Variants in AGMO observed in about 807,000 individuals in gnomAD.
The protein encoded by AGMO is alkylglycerol monooxygenase, also known as glyceryl-ether monooxygenase.
A neutral mutation model predicts 60.2 loss-of-function variants in AGMO; 75 were observed. The observed-to-expected ratio is 1.25, with a 90% CI of 1.03 to 1.51. The LOEUF (loss-of-function observed/expected upper bound fraction) is 1.51, where lower values mean the gene tolerates loss of function less well. Among genes scored for constraint, AGMO ranks in the 40% most tolerant of loss-of-function variants. AGMO has a pLI of 0.00. For missense variants in AGMO, 763 were observed against 525.5 expected, an observed-to-expected ratio of 1.45 and a Z score of -4.42; for synonymous variants, 261 against 177.1, an observed-to-expected ratio of 1.47 and a Z score of -3.76.
chr7:15,494,609 G>A (rs189095954), intron 3 of AGMO, among the ~76,000 whole-genome samples: 1 of 152,292 alleles, frequency 6.6e-6, no homozygotes, highest in Non-Finnish European at 1.5e-5. Flanking sequence ...AAGCACTGTG[G>A]TTGGAGCTTT....
chr7:15,347,122 C>G (rs1391325638), intron 12 of AGMO, among the ~76,000 whole-genome samples: 1 of 152,006 alleles, frequency 6.6e-6, no homozygotes, highest in Non-Finnish European at 1.5e-5. Flanking sequence ...TCTTCTCTAT[C>G]CATTTTCCTG....
intron 5 of AGMO, among the ~76,000 whole-genome samples, chr7:15,417,435 C>T (rs1027022672): frequency 5.9e-5 from 9 of 152,126 alleles, no homozygotes; most frequent in Non-Finnish European, 1.0e-4. Flanking sequence ...CGACACATGG[C>T]GTGACCTGGA....
In AGMO at chr7:15,252,887, T is replaced by C. The variant is rs534313841; in HGVS notation, c.1264-51528A>G. 6.6e-5 allele frequency among the ~76,000 whole-genome samples: 10 copies of C among 152,194 alleles called. No homozygotes were observed. In the East Asian group the frequency reaches 1.5e-3, roughly 24 times the overall value. ...AAAGAAAAGACAAGAGATCATGACA[T>C]ACAGAGAGTTAAGTGAAGAGAATGT... On this transcript the variant is annotated intron_variant, in intron 12 of 12. Transcript: ENST00000342526.
At chr7:15,383,494 C>T (rs932041791) in intron 10 of AGMO, among the ~76,000 whole-genome samples, 4 of 149,578 alleles carry the variant, frequency 2.7e-5, no homozygotes, top group African/African-American at 9.9e-5. Flanking sequence ...AAGAAACCTC[C>T]TTTCCTTATA....
intron 12 of AGMO, among the ~76,000 whole-genome samples, chr7:15,245,882 A>G (rs1240057504): frequency 1.3e-5 from 2 of 152,192 alleles, no homozygotes; most frequent in African/African-American, 4.8e-5. Flanking sequence ...AGCATTAAAT[A>G]ATAGGTCTGC....
chr7:15,560,408 G>T, intron 1 of AGMO, 137 bp from the exon 2 acceptor site: 2 of 804,510 alleles, frequency 2.5e-6, no homozygotes, highest in South Asian at 2.1e-5. Context: ...TCATTTTAGA[G>T]GATTACTTCC....
chr7:15,498,509 T>C (rs1289805156), intron 3 of AGMO, among the ~76,000 whole-genome samples: 1 of 151,992 alleles, frequency 6.6e-6, no homozygotes, highest in East Asian at 1.9e-4. Context: ...TTTCATTTTG[T>C]GTGCACAGAA....
chr7:15,380,031 A>G (rs969259221), intron 10 of AGMO, among the ~76,000 whole-genome samples: 2 of 152,112 alleles, frequency 1.3e-5, no homozygotes, highest in African/African-American at 4.8e-5. Context: ...GATCCATATA[A>G]GACAAACGCA....
intron 12 of AGMO, among the ~76,000 whole-genome samples, chr7:15,242,958 T>A (rs1179043678): frequency 6.6e-6 from 1 of 151,974 alleles, no homozygotes; most frequent in Non-Finnish European, 1.5e-5. Context: ...AGATTTTAAG[T>A]CAAAAAATAA....
chr7:15,390,730 C>A lies in AGMO; in HGVS notation c.763G>T (p.Glu255Ter), dbSNP rs146477677. 10 of 1,611,022 alleles carry A rather than the reference C, an allele frequency of 6.2e-6. No individual in the cohort carries two copies. Among genetic ancestry groups the A allele is most frequent in the Non-Finnish European group, 8.5e-6 (10 of 1,178,072 alleles). Residue 255 changes from glutamate to a stop codon, truncating the protein, a stop_gained, in exon 8 of 13, where the codon GAA becomes TAA. Coordinates refer to ENST00000342526, the MANE Select transcript of AGMO (RefSeq NM_001004320.2). LOFTEE classifies it high-confidence loss of function. ...TGTGTTAAGCCATATACAACTTTTT[C>A]ATTTTCTGCTTCAAATGTCCCTGGA... is the stretch of plus-strand genomic sequence containing the variant. ...KIFGTFEAEN[E>*]KVVYGLTHPI... is the part of the protein sequence containing the mutation.
chr7:15,354,452 G>GACGTGTA (rs1782419528), intron 12 of AGMO, among the ~76,000 whole-genome samples: 5 of 22,230 alleles, frequency 2.2e-4, no homozygotes, highest in African/African-American at 1.3e-3. Flanking sequence ...ACACGTGTGT[G>GACGTGTA]TATACACACG....
chr7:15,118,876 A>ATTTTTTTTTTTT, the AGMO span, among the ~76,000 whole-genome samples: 8 of 81,758 alleles, frequency 9.8e-5, no homozygotes, highest in East Asian at 1.1e-3. Context: ...AGACGTCAGT[A>ATTTTTTTTTTTT]TTTTTTTTTT....
In AGMO at chr7:15,383,073, G is replaced by A. The variant is rs111985739; in HGVS notation, c.1074+2373C>T. On this transcript the variant is annotated intron_variant, in intron 10 of 12. Coordinates refer to ENST00000342526, the MANE Select transcript of AGMO (RefSeq NM_001004320.2). ...TGTAGTTGACCCTGCCCTCCCATTC[G>A]TAGGCTGGGTACATAATCTAGGACC... is the stretch of plus-strand genomic sequence containing the variant. Among the ~76,000 whole-genome samples the A allele has an allele frequency of 1.1e-4, 17 of 151,286 alleles. No homozygotes were observed. In the East Asian group the frequency reaches 1.8e-3, roughly 16 times the overall value.
At chr7:15,257,824 T>C (rs1783141377) in intron 12 of AGMO, among the ~76,000 whole-genome samples, 1 of 152,212 alleles carries the variant, frequency 6.6e-6, no homozygotes, top group Non-Finnish European at 1.5e-5. Context: ...TTAAAACTTC[T>C]GTGTGCAACT....
At chr7:15,156,579 G>A in the AGMO span, among the ~76,000 whole-genome samples, 1 of 152,308 alleles carries the variant, frequency 6.6e-6, no homozygotes, top group South Asian at 2.1e-4. Flanking sequence ...ATCTCCTGCA[G>A]CTAGGATCCT....
At chr7:15,344,759 T>G (rs62450341) in intron 12 of AGMO, among the ~76,000 whole-genome samples, 5,334 of 152,210 alleles carry the variant, frequency 0.035, 100 homozygotes, top group Admixed American at 0.05. Context: ...AAGAGAAGAC[T>G]TTTCCATTAG....
chr7:15,466,860 A>T (rs1782307163), intron 3 of AGMO, among the ~76,000 whole-genome samples: 2 of 152,142 alleles, frequency 1.3e-5, no homozygotes, highest in Non-Finnish European at 2.9e-5. Context: ...ACTTTGCGTT[A>T]ATTGTACTGT....
intron 3 of AGMO, among the ~76,000 whole-genome samples, chr7:15,493,440 C>G (rs1052396868): frequency 4.5e-5 from 6 of 133,328 alleles, no homozygotes; most frequent in Non-Finnish European, 7.7e-5. Context: ...GTGGCGCGAT[C>G]TCGGCTCACT....
At chr7:15,176,595 A>T in the AGMO span, among the ~76,000 whole-genome samples, 9 of 151,906 alleles carry the variant, frequency 5.9e-5, no homozygotes, top group African/African-American at 2.2e-4. Flanking sequence ...TGATGACTGG[A>T]TATACTTATG....
Sources: allele counts gnomAD v4.1 joint callset (sites outside exome capture counted in the v4.1 genomes callset), GRCh38; gene constraint gnomAD v4.1.1; transcripts MANE v1.5; gene names NCBI Gene and HGNC (gene_info 2026-07-23, HGNC 2026-07-21).